STOML1: variants seen among roughly 807,000 people sequenced by gnomAD.
The protein encoded by STOML1 is stomatin like 1.
Under a neutral mutation model 35.7 loss-of-function variants are expected in STOML1, and 27 were observed. That is an observed-to-expected ratio of 0.76 (90% CI 0.56 to 1.04). STOML1 has a LOEUF of 1.04. Ranked by LOEUF, STOML1 falls within the 50% of genes least tolerant of loss-of-function variation. The pLI, the probability that STOML1 is intolerant of heterozygous loss-of-function variation, is 0.00. For synonymous variants in STOML1, 219 were observed against 227.9 expected, an observed-to-expected ratio of 0.96 and a Z score of 0.35; for missense variants, 451 against 527.1, an observed-to-expected ratio of 0.86 and a Z score of 1.41.
At chr15:73,990,498 C>A in intron 1 of STOML1, 41 bp from the exon 2 acceptor site, 1 of 1,564,878 alleles carries the variant, frequency 6.4e-7, no homozygotes, top group Non-Finnish European at 8.7e-7. Context: ...ACCTGCACGA[C>A]AGCTGCCAAG....
In STOML1 at chr15:73,981,368, T is replaced by G. The variant is rs2068958296; in HGVS notation, c.*2569A>C. 6.6e-6 allele frequency: 1 copy of G among 152,030 alleles called. No homozygotes were observed. Among genetic ancestry groups the G allele is most frequent in the African/African-American group, 2.4e-5 (1 of 41,372 alleles). The allele number at this position is 152,030 out of a possible 1,614,324, so 9.4% of individuals were successfully genotyped here. A position where few individuals can be genotyped will look rare whatever the true frequency, so the allele number is the denominator to read the frequency against. On this transcript the variant is annotated 3_prime_UTR_variant, in exon 7 of 7. Transcript: ENST00000541638. Reference sequence around the variant, plus strand: ...ACTCTTGTTTCAAAAAAAAATAAAATACTTTTCAATAACATCAAAATAACA... The same window carrying G: ...ACTCTTGTTTCAAAAAAAAATAAAAGACTTTTCAATAACATCAAAATAACA...
rs536301277 is a variant in STOML1, at chr15:73,983,881, C to A, written c.*56G>T. 163 of 1,543,776 alleles carry A rather than the reference C, an allele frequency of 1.1e-4. No individual in the cohort carries two copies. In the South Asian group the frequency reaches 1.3e-3, roughly 12 times the overall value. Reference sequence around the variant, plus strand: ...GATGAACACCTCCTCCTCCAAGAGGCCCCTCAGGCTTGGTGCCAGGCTTGG... The same window carrying A: ...GATGAACACCTCCTCCTCCAAGAGGACCCTCAGGCTTGGTGCCAGGCTTGG... On this transcript the variant is annotated 3_prime_UTR_variant, in exon 7 of 7. Coordinates refer to ENST00000541638, the MANE Select transcript of STOML1 (RefSeq NM_004809.5).
chr15:73,994,268 TC>T (rs1163025137), upstream of STOML1, among the ~76,000 whole-genome samples: 1 of 152,158 alleles, frequency 6.6e-6, no homozygotes, highest in Non-Finnish European at 1.5e-5. Flanking sequence ...GTTTCAAGTG[TC>T]CCCCGTACCC....
At chr15:73,994,591 C>T, upstream of STOML1, 1 of 610,370 alleles carries the variant, frequency 1.6e-6, no homozygotes, top group Non-Finnish European at 3.0e-6. Flanking sequence ...GCCTCTACCT[C>T]CTCCCCGCTC....
chr15:73,994,519 C>T, upstream of STOML1: 1 of 508,386 alleles, frequency 2.0e-6, no homozygotes, highest in Admixed American at 3.3e-5. Context: ...GGGCTGCCCC[C>T]CTGCAGCTCT....
chr15:73,990,496 G>C (rs1159062233), intron 1 of STOML1, 39 bp from the exon 2 acceptor site: 15 of 1,557,682 alleles, frequency 9.6e-6, no homozygotes, highest in Non-Finnish European at 1.3e-5. Context: ...GGACCTGCAC[G>C]ACAGCTGCCA....
chr15:73,984,319 T>A (rs2069018191), intron 6 of STOML1, among the ~76,000 whole-genome samples, 189 bp from the exon 7 acceptor site: 1 of 152,348 alleles, frequency 6.6e-6, no homozygotes, highest in East Asian at 1.9e-4. Context: ...AAATCTGTGA[T>A]GATAATTCCT....
intron 6 of STOML1, among the ~76,000 whole-genome samples, 154 bp from the exon 7 acceptor site, chr15:73,984,284 G>T (rs1368830606): frequency 6.6e-6 from 1 of 152,238 alleles, no homozygotes; most frequent in Non-Finnish European, 1.5e-5. Flanking sequence ...TATTGGCTGT[G>T]TGAACTCTTG....
intron 6 of STOML1, 121 bp from the exon 7 acceptor site, chr15:73,984,251 T>A: frequency 9.3e-7 from 1 of 1,070,422 alleles, no homozygotes; most frequent in Non-Finnish European, 1.3e-6. Flanking sequence ...GAGTTTGGGT[T>A]CTAATACCCT....
At chr15:73,993,266 A>G (rs551886333), upstream of STOML1, among the ~76,000 whole-genome samples, 2 of 152,344 alleles carry the variant, frequency 1.3e-5, no homozygotes, top group African/African-American at 4.8e-5. Context: ...AGGGCTTGAG[A>G]AAACCTGAAT....
rs369993513 is a variant in STOML1 at position 73,988,763 on chromosome 15, C to G, written c.430G>C (p.Asp144His). Residue 144 changes from aspartate to histidine, a missense_variant, in exon 4 of 7, where the codon GAT becomes CAT. Physicochemically the swap from Asp to His is moderately conservative, Grantham distance 81. Coordinates refer to ENST00000541638, the MANE Select transcript of STOML1 (RefSeq NM_004809.5). The surrounding 1 kb of genome is among the most constrained non-coding windows in gnomAD (Gnocchi z 4.8). ...GGGTCCCAGATGCGAAACTGGACAT[C>G]GGCTCCCACGGACAGCACAGCCCCG... Reference protein sequence around the residue: ...KDGAVLSVGADVQFRIWDPVL... With the variant: ...KDGAVLSVGAHVQFRIWDPVL... The G allele has an allele frequency of 2.5e-6, 4 of 1,614,190 alleles. No homozygotes were observed. In the African/African-American group the frequency reaches 5.3e-5, roughly 22 times the overall value.
At chr15:73,985,665 C>T (rs1364703036) in intron 4 of STOML1, 152 bp from the exon 5 acceptor site, 17 of 929,414 alleles carry the variant, frequency 1.8e-5, no homozygotes, top group East Asian at 9.5e-5. Context: ...AGGGCAATGA[C>T]CTTTCAGCTG....
chr15:73,990,773 A>C (rs2069249297), intron 1 of STOML1: 1 of 1,518,062 alleles, frequency 6.6e-7, no homozygotes, highest in African/African-American at 1.4e-5. Flanking sequence ...TGGACTGAGT[A>C]GGGGTCAATC....
In STOML1 at chr15:73,989,139, C is replaced by T. The variant is rs1163814278; in HGVS notation, c.359G>A (p.Arg120Lys). ...FIDSFQRVDL[R>K]TRAFNVPPCK... ...GGGAGGGACGTTGAAGGCTCGTGTC[C>T]TCAGATCCACCCTCTGAAAGGAGTC... Residue 120 changes from arginine (R) to lysine (K), a missense_variant, in exon 3 of 7, where the codon AGG becomes AAG. By Grantham distance (26) the Arg-to-Lys change is conservative. Transcript: ENST00000541638. 6.2e-7 allele frequency: 1 copy of T among 1,610,244 alleles called. No individual in the cohort carries two copies. Among genetic ancestry groups the T allele is most frequent in the Admixed American group, 1.7e-5 (1 of 59,408 alleles).
rs760990889 is a variant in STOML1 at position 73,984,034 on chromosome 15, A to G, written c.1100T>C (p.Leu367Pro). ...ADLRALLCRELRPLGAYMSGR... is the reference protein window; with the variant it reads ...ADLRALLCREPRPLGAYMSGR... ...ACTCATGTAGGCCCCCAGGGGCCGC[A>G]GCTCTCTGCATAGCAGGGCCCGCAG... Residue 367 changes from leucine (L) to proline (P), a missense_variant, in exon 7 of 7, where the codon CTG becomes CCG. Transcript: ENST00000541638. 12 of 1,614,052 alleles carry G rather than the reference A, an allele frequency of 7.4e-6. No homozygotes were observed. Among genetic ancestry groups the G allele is most frequent in the Non-Finnish European group, 1.0e-5 (12 of 1,180,032 alleles).
upstream of STOML1, among the ~76,000 whole-genome samples, chr15:73,994,070 T>C (rs1445559960): frequency 6.6e-6 from 1 of 152,192 alleles, no homozygotes; most frequent in Non-Finnish European, 1.5e-5. Context: ...CATGCACAGC[T>C]GATCGTGTTG....
At position 73,981,728 on chromosome 15, in the gene STOML1, G is replaced by A. The variant is rs2068963020; in HGVS notation, c.*2209C>T. The stretch of plus-strand genomic sequence containing the variant: ...TGGAGGACATCACCTCCTCAGGAAA[G>A]CCTTCTCTGATTGACACACACCCTC... On this transcript the variant is annotated 3_prime_UTR_variant, in exon 7 of 7. Coordinates refer to ENST00000541638, the MANE Select transcript of STOML1 (RefSeq NM_004809.5). The A allele has an allele frequency of 6.6e-6, 1 of 152,300 alleles. No individual in the cohort carries two copies. The highest frequency in any genetic ancestry group is 2.1e-4 in the South Asian group (1 of 4,824). The allele number at this position is 152,300 out of a possible 1,614,324, so 9.4% of individuals were successfully genotyped here.
chr15:73,985,394 G>GTTC lies in STOML1; in HGVS notation c.713_714insGAA (p.Thr238_Leu239insAsn). 1 of 1,558,188 alleles carries GTTC rather than the reference G, an allele frequency of 6.4e-7. No individual in the cohort carries two copies. Among genetic ancestry groups the GTTC allele is most frequent in the Non-Finnish European group, 8.6e-7 (1 of 1,159,330 alleles). Reference sequence around the variant, plus strand: ...GGAAGTGCAGGGCCAGCTGCTGGAGGGTGCTGTCCAGGTTGGGCCCAGCTG... The same window carrying GTTC: ...GGAAGTGCAGGGCCAGCTGCTGGAGGTTCGTGCTGTCCAGGTTGGGCCCAGCTG... On this transcript the variant is annotated inframe_insertion, in exon 5 of 7. Transcript: ENST00000541638.
Position 73,992,220 on chromosome 15 carries a change from G to C in STOML1, c.4C>G (p.Leu2Val). The part of the protein sequence containing the change: M[L>V]GRSGYRALPL... ...AGCGCCCGGTACCCAGACCTGCCGA[G>C]CATGGCTTTTGACAGGAGACACGCC... Residue 2 changes from leucine to valine, a missense_variant, in exon 1 of 7, where the codon CTC becomes GTC. Transcript: ENST00000541638. 1 of 1,599,864 alleles carries C rather than the reference G, an allele frequency of 6.3e-7. No homozygotes were observed.
Sources: allele counts gnomAD v4.1 joint callset (sites outside exome capture counted in the v4.1 genomes callset), GRCh38; gene constraint gnomAD v4.1.1; non-coding constraint Gnocchi (gnomAD v3.1); transcripts MANE v1.5; gene names NCBI Gene and HGNC (gene_info 2026-07-23, HGNC 2026-07-21).